The following TMEM87B variants were observed in gnomAD, a reference collection of about 807,000 sequenced individuals.
TMEM87B encodes transmembrane protein 87B.
A neutral mutation model predicts 80.3 loss-of-function variants in TMEM87B; 83 were observed. The observed-to-expected ratio is 1.03, with a 90% CI of 0.87 to 1.24. TMEM87B has a LOEUF of 1.24. TMEM87B is among the 50% of genes most tolerant of loss of function. The pLI is 0.00. For missense variants in TMEM87B, 625 were observed against 674.4 expected (o/e 0.93, Z 0.81); for synonymous variants, 219 against 230.5 (o/e 0.95, Z 0.45).
intron 4 of TMEM87B, among the ~76,000 whole-genome samples, chr2:112,074,289 T>C (rs567641380): frequency 6.6e-6 from 1 of 152,210 alleles, no homozygotes; most frequent in South Asian, 2.1e-4. Flanking sequence ...TTTGCTTGTC[T>C]AAAAAGGGTC....
At chr2:112,113,406 G>A (rs369732968) in intron 18 of TMEM87B, among the ~76,000 whole-genome samples, 3 of 152,218 alleles carry the variant, frequency 2.0e-5, no homozygotes, top group Non-Finnish European at 4.4e-5. Context: ...AAGACTGGAT[G>A]CACGGAACAT....
chr2:112,090,487 C>A (rs1679268241), intron 10 of TMEM87B, among the ~76,000 whole-genome samples: 1 of 151,948 alleles, frequency 6.6e-6, no homozygotes, highest in Non-Finnish European at 1.5e-5. Context: ...GGCGCAGTGG[C>A]ATGATCATGG....
In TMEM87B at chr2:112,087,612, C is replaced by T. The variant is rs543052724; in HGVS notation, c.938+1508C>T. On this transcript the variant is annotated intron_variant, in intron 9 of 18. Coordinates refer to ENST00000283206, the MANE Select transcript of TMEM87B (RefSeq NM_032824.3). ...CTGTGAGGGAAACTGTCCTAGTGCT[C>T]GGTTTTGTTTTTTCTTGCATCGTCA... Among the ~76,000 whole-genome samples the T allele has an allele frequency of 9.9e-5, 15 of 152,238 alleles. No homozygotes were observed. The South Asian group carries it at 2.7e-3, about 27-fold the overall frequency.
chr2:112,097,231 AG>A lies in TMEM87B; in HGVS notation c.1214-1del. 2 of 1,608,094 alleles carry A rather than the reference AG, an allele frequency of 1.2e-6. No individual in the cohort carries two copies. The highest frequency in any genetic ancestry group is 1.7e-6 in the Non-Finnish European group (2 of 1,178,532). ...TCAAAGGTGACTTTTTGTGTGTTTC[AG>A]CTTCTATAGTGTTTATGGGGTGGAC... On this transcript the variant is annotated splice_acceptor_variant, in intron 12 of 18. Transcript: ENST00000283206. LOFTEE classifies it high-confidence loss of function.
intron 15 of TMEM87B, among the ~76,000 whole-genome samples, chr2:112,104,413 G>C (rs750643635): frequency 6.6e-6 from 1 of 152,162 alleles, no homozygotes; most frequent in Non-Finnish European, 1.5e-5. Flanking sequence ...CAGAAGACTA[G>C]TGTAGACACT....
intron 6 of TMEM87B, 61 bp downstream of exon 6, chr2:112,077,343 C>A: frequency 1.2e-6 from 1 of 836,536 alleles, no homozygotes; most frequent in Non-Finnish European, 1.9e-6. Flanking sequence ...ATTTTTGTCA[C>A]TGACCTGAGT....
chr2:112,113,344 G>C lies in TMEM87B; in HGVS notation c.1608+415G>C, dbSNP rs1478759341. Among the ~76,000 whole-genome samples the C allele has an allele frequency of 3.9e-5, 6 of 152,292 alleles. No individual in the cohort carries two copies. The East Asian group carries it at 5.8e-4, about 15-fold the overall frequency. On this transcript the variant is annotated intron_variant, in intron 18 of 18. Coordinates refer to ENST00000283206, the MANE Select transcript of TMEM87B (RefSeq NM_032824.3). ...AAAAAAATTAGCTGTGGATCACTTG[G>C]ACATTAAGTTGTGTGGCACAAGGCG...
intron 2 of TMEM87B, 105 bp downstream of exon 2, chr2:112,060,142 T>A: frequency 6.2e-6 from 8 of 1,282,732 alleles, no homozygotes; most frequent in Non-Finnish European, 7.1e-6. Context: ...GGTCGGGAGT[T>A]CAGGACGAGC....
At chr2:112,090,780 A>G (rs915383820) in intron 10 of TMEM87B, among the ~76,000 whole-genome samples, 3 of 152,180 alleles carry the variant, frequency 2.0e-5, no homozygotes, top group African/African-American at 4.8e-5. Context: ...TAAGAAGCTT[A>G]TTATATCTTA....
At chr2:112,084,714 A>G (rs2104479541) in intron 8 of TMEM87B, among the ~76,000 whole-genome samples, 1 of 152,310 alleles carries the variant, frequency 6.6e-6, no homozygotes. Flanking sequence ...TATTTTCTGA[A>G]TATCTTTCTG....
intron 8 of TMEM87B, among the ~76,000 whole-genome samples, chr2:112,085,759 G>A (rs947576063): frequency 6.6e-6 from 1 of 152,212 alleles, no homozygotes; most frequent in Admixed American, 6.5e-5. Context: ...GACAGTGTTC[G>A]GGCTGATAGA....
At chr2:112,107,129 A>G (rs1679789461) in intron 16 of TMEM87B, among the ~76,000 whole-genome samples, 1 of 152,170 alleles carries the variant, frequency 6.6e-6, no homozygotes, top group Admixed American at 6.5e-5. Flanking sequence ...AGGCTGAGGC[A>G]GGCAGATCGC....
At chr2:112,080,416 C>T (rs930890498) in intron 6 of TMEM87B, among the ~76,000 whole-genome samples, 2 of 151,990 alleles carry the variant, frequency 1.3e-5, no homozygotes, top group Admixed American at 6.6e-5. Flanking sequence ...CTCGCCACCA[C>T]GCCCGGCTAA....
At chr2:112,098,336 A>G (rs926635175) in intron 13 of TMEM87B, among the ~76,000 whole-genome samples, 5 of 152,184 alleles carry the variant, frequency 3.3e-5, no homozygotes, top group Admixed American at 1.3e-4. Flanking sequence ...AATCCTAAGT[A>G]TATGTTTTGC....
Position 112,116,287 on chromosome 2 carries a change from A to G in TMEM87B, c.*144A>G. 1.5e-6 allele frequency: 1 copy of G among 671,998 alleles called. No homozygotes were observed. Among genetic ancestry groups the G allele is most frequent in the Non-Finnish European group, 2.5e-6 (1 of 403,694 alleles). 41.6% of individuals were successfully genotyped at this position (671,998 alleles called of 1,614,324 possible). A position where few individuals can be genotyped will look rare whatever the true frequency, so the allele number is the denominator to read the frequency against. ...TATCAAAATGAAGAATTCAGATGGT[A>G]GGAGGTTCTATAGTCCTTTTAAAGC... On this transcript the variant is annotated 3_prime_UTR_variant, in exon 19 of 19. Transcript: ENST00000283206.
At chr2:112,112,219 A>C (rs1679938840) in intron 17 of TMEM87B, among the ~76,000 whole-genome samples, 1 of 152,224 alleles carries the variant, frequency 6.6e-6, no homozygotes, top group African/African-American at 2.4e-5. Context: ...CATTGAGGCT[A>C]GATTAAACTT....
intron 11 of TMEM87B, among the ~76,000 whole-genome samples, chr2:112,093,014 C>G (rs886387953): frequency 6.6e-6 from 1 of 152,112 alleles, no homozygotes; most frequent in Non-Finnish European, 1.5e-5. Flanking sequence ...TGTCTTTTAG[C>G]TTTTTGACAT....
intron 10 of TMEM87B, among the ~76,000 whole-genome samples, chr2:112,090,327 GT>G (rs1228311155): frequency 6.6e-6 from 1 of 152,048 alleles, no homozygotes; most frequent in Non-Finnish European, 1.5e-5. Context: ...TCTAGCTTCA[GT>G]TTTTTTACTT....
intron 11 of TMEM87B, 65 bp downstream of exon 11, chr2:112,091,848 G>A: frequency 2.4e-6 from 3 of 1,241,746 alleles, no homozygotes; most frequent in East Asian, 2.4e-5. Context: ...CATGTAATTT[G>A]TAATAACAAT....
Sources: gnomAD v4.1 joint callset for allele counts (sites outside exome capture counted in the v4.1 genomes callset) on GRCh38, gnomAD v4.1.1 for gene constraint, MANE v1.5 for transcripts, NCBI Gene and HGNC (gene_info 2026-07-23, HGNC 2026-07-21) for gene names.